CNKSR2: variants seen among roughly 807,000 people sequenced by gnomAD.
CNKSR2 encodes CNK homolog protein 2.
Under a neutral mutation model 84.4 loss-of-function variants are expected in CNKSR2, and 14 were observed. The observed-to-expected ratio is 0.17, with a 90% CI of 0.11 to 0.26. The LOEUF (loss-of-function observed/expected upper bound fraction) is 0.26. CNKSR2 is among the 10% of genes least tolerant of loss of function. The pLI is 1.00. For synonymous variants in CNKSR2, 275 were observed against 277.9 expected, an observed-to-expected ratio of 0.99 and a Z score of 0.10; for missense variants, 485 against 771.2, an observed-to-expected ratio of 0.63 and a Z score of 4.40.
In CNKSR2 at chrX:21,611,893, ACT is replaced by A. The variant is rs774024516; in HGVS notation, c.2692+2277_2692+2278del. 5.2e-3 allele frequency among the ~76,000 whole-genome samples: 581 copies of A among 111,967 alleles called. 3 individuals are homozygous for A. Among genetic ancestry groups the A allele is most frequent in the African/African-American group, 0.018 (563 of 30,868 alleles). ...TCTGCTTCACTGAAAGTGGCCTTGCACTGTCTTTCAGGCCCCATTTCTTTCTG... is the reference window on the plus strand; with the variant it reads ...TCTGCTTCACTGAAAGTGGCCTTGCAGTCTTTCAGGCCCCATTTCTTTCTG... On this transcript the variant is annotated intron_variant, in intron 20 of 21. Transcript: ENST00000379510.
chrX:21,609,551 G>A lies in CNKSR2; in HGVS notation c.2626G>A (p.Val876Met). 1.7e-6 allele frequency: 2 copies of A among 1,210,888 alleles called. No individual in the cohort carries two copies. The highest frequency in any genetic ancestry group is 2.2e-6 in the Non-Finnish European group (2 of 895,316). Residue 876 changes from valine to methionine, a missense_variant, in exon 20 of 22, where the codon GTG becomes ATG. Transcript: ENST00000379510. ...DPQDDVQPPE[V>M]EEEEEEEEEE... ...ACAGGATGACGTGCAACCCCCAGAG[G>A]TGGAGGAAGAGGAGGAGGAGGAGGA...
At chrX:21,560,626 A>G (rs1019124983) in intron 11 of CNKSR2, among the ~76,000 whole-genome samples, 3 of 111,359 alleles carry the variant, frequency 2.7e-5, no homozygotes, top group African/African-American at 9.8e-5. Flanking sequence ...TTAAGCGACT[A>G]TTTCATGCCA....
chrX:21,507,486 A>T, intron 8 of CNKSR2, among the ~76,000 whole-genome samples: 1 of 111,553 alleles, frequency 9.0e-6, no homozygotes, highest in Non-Finnish European at 1.9e-5. Context: ...TCCACAGTGA[A>T]AATACAGCCA....
chrX:21,652,158 TAGGACGTG>T (rs2092722428), intron 21 of CNKSR2, 140 bp from the exon 22 acceptor site: 1 of 455,680 alleles, frequency 2.2e-6, no homozygotes, highest in African/African-American at 2.5e-5. Context: ...AAAAGTACAC[TAGGACGTG>T]AGTCTAAAGA....
chrX:21,473,212 A>G (rs905883717), intron 5 of CNKSR2, among the ~76,000 whole-genome samples: 2 of 111,633 alleles, frequency 1.8e-5, no homozygotes, highest in Admixed American at 9.5e-5. Flanking sequence ...GATGATGACA[A>G]CAGTGAATGG....
chrX:21,613,061 A>C (rs1053710408), intron 20 of CNKSR2, among the ~76,000 whole-genome samples: 1 of 112,172 alleles, frequency 8.9e-6, no homozygotes. Flanking sequence ...AAAGACAAGT[A>C]ATTTCCTGTT....
intron 20 of CNKSR2, chrX:21,641,995 G>T: frequency 5.3e-6 from 4 of 760,852 alleles, no homozygotes; most frequent in Middle Eastern, 1.5e-3. Context: ...AAAAGAGAGG[G>T]ATCAGCTTCA....
chrX:21,505,704 C>T (rs968283477), intron 8 of CNKSR2: 4 of 110,876 alleles, frequency 3.6e-5, no homozygotes, highest in Non-Finnish European at 5.7e-5. Context: ...AAGGAGAAGC[C>T]AACATAATCA....
chrX:21,463,967 G>A (rs1300955316), intron 4 of CNKSR2, among the ~76,000 whole-genome samples: 1 of 111,920 alleles, frequency 8.9e-6, no homozygotes, highest in African/African-American at 3.2e-5. Context: ...TGGTATCTCA[G>A]TAAGTTGTGT....
chrX:21,499,975 A>T (rs2091542644), intron 7 of CNKSR2, among the ~76,000 whole-genome samples: 1 of 111,199 alleles, frequency 9.0e-6, no homozygotes, highest in Admixed American at 9.6e-5. Context: ...CTTTAAAAGG[A>T]TCAGTTGTGA....
intron 13 of CNKSR2, among the ~76,000 whole-genome samples, chrX:21,579,589 AC>A (rs1682114034): frequency 8.9e-6 from 1 of 112,453 alleles, no homozygotes; most frequent in East Asian, 2.8e-4. Flanking sequence ...TATGGTTATT[AC>A]AAGAAACAGC....
intron 3 of CNKSR2, among the ~76,000 whole-genome samples, chrX:21,440,169 C>A (rs1042506001): frequency 1.7e-4 from 19 of 111,272 alleles, no homozygotes; most frequent in African/African-American, 5.5e-4. Flanking sequence ...TGCTTCTCCT[C>A]TGTAAAATGA....
chrX:21,391,653 A>T (rs1601726648), intron 1 of CNKSR2, among the ~76,000 whole-genome samples: 1 of 112,087 alleles, frequency 8.9e-6, no homozygotes, highest in African/African-American at 3.2e-5. Context: ...GGCTGCTATG[A>T]AAGTTTCTGA....
At chrX:21,594,113 C>T (rs916965691) in intron 15 of CNKSR2, 4 of 112,119 alleles carry the variant, frequency 3.6e-5, no homozygotes, top group African/African-American at 1.3e-4. Flanking sequence ...AAATGTGGTA[C>T]ATATACACCA....
chrX:21,388,989 TTGATA>T (rs1262293302), intron 1 of CNKSR2, among the ~76,000 whole-genome samples: 4 of 109,115 alleles, frequency 3.7e-5, no homozygotes, highest in Admixed American at 9.9e-5. Context: ...TGTGATATGA[TTGATA>T]TGATATGATG....
intron 9 of CNKSR2, among the ~76,000 whole-genome samples, chrX:21,518,419 C>G (rs1039156019): frequency 5.4e-5 from 6 of 111,521 alleles, no homozygotes; most frequent in Non-Finnish European, 1.1e-4. Context: ...ACCCTAGTTT[C>G]TTGTTGATCC....
At chrX:21,434,213 T>G (rs2090674635) in intron 3 of CNKSR2, among the ~76,000 whole-genome samples, 2 of 111,661 alleles carry the variant, frequency 1.8e-5, no homozygotes, top group Middle Eastern at 4.9e-3. Context: ...AGTAAATTCA[T>G]TTATATATTT....
At chrX:21,591,533 G>T (rs948664905) in intron 15 of CNKSR2, 6 of 118,599 alleles carry the variant, frequency 5.1e-5, no homozygotes, top group Non-Finnish European at 1.0e-4. Flanking sequence ...TCTTGCTTTT[G>T]TTCAAAATTT....
At chrX:21,423,318 G>A (rs1375938973) in intron 1 of CNKSR2, 1 of 110,862 alleles carries the variant, frequency 9.0e-6, no homozygotes, top group Non-Finnish European at 1.9e-5. Flanking sequence ...TAAGCTGTTG[G>A]ATCCCAGGCA....
Sources: allele counts gnomAD v4.1 joint callset (sites outside exome capture counted in the v4.1 genomes callset), GRCh38; gene constraint gnomAD v4.1.1; transcripts MANE v1.5; gene names NCBI Gene and HGNC (gene_info 2026-07-23, HGNC 2026-07-21).